RGS3: variants seen among roughly 807,000 people sequenced by gnomAD.
RGS3 encodes the protein regulator of G protein signaling 3.
Under a neutral mutation model 132.6 loss-of-function variants are expected in RGS3, and 80 were observed. That is an observed-to-expected ratio of 0.60 (90% CI 0.50 to 0.73). The LOEUF is 0.73. Among genes scored for constraint, RGS3 ranks in the 30% least tolerant of loss-of-function variants. The pLI, the probability that RGS3 is intolerant of heterozygous loss-of-function variation, is 0.00. For missense variants in RGS3, 1,382 were observed against 1,530.8 expected (o/e 0.90, Z 1.62); for synonymous variants, 598 against 620.6 (o/e 0.96, Z 0.54).
At chr9:113,516,125 C>CA (rs888098523) in intron 15 of RGS3, among the ~76,000 whole-genome samples, 12 of 152,164 alleles carry the variant, frequency 7.9e-5, no homozygotes, top group African/African-American at 2.7e-4. Context: ...GACTTGGCCC[C>CA]ACGGGCTTCA....
intron 7 of RGS3, among the ~76,000 whole-genome samples, chr9:113,492,309 A>G (rs1318081188): frequency 3.3e-5 from 5 of 152,140 alleles, no homozygotes; most frequent in Non-Finnish European, 5.9e-5. Flanking sequence ...AATGCTCTTC[A>G]TTCTCTCTGG....
chr9:113,548,662 C>T (rs545202152), intron 19 of RGS3, among the ~76,000 whole-genome samples: 1 of 152,302 alleles, frequency 6.6e-6, no homozygotes, highest in African/African-American at 2.4e-5. Flanking sequence ...AGTCCTGGAG[C>T]CATCAGCCCT....
upstream of RGS3, among the ~76,000 whole-genome samples, chr9:113,458,066 T>C (rs763901561): frequency 1.3e-5 from 2 of 152,148 alleles, no homozygotes; most frequent in Non-Finnish European, 2.9e-5. Context: ...TATTAGCAAA[T>C]CAAATCCCAC....
chr9:113,586,951 T>A (rs576344726), intron 20 of RGS3, among the ~76,000 whole-genome samples: 3 of 152,262 alleles, frequency 2.0e-5, no homozygotes, highest in African/African-American at 7.2e-5. Flanking sequence ...TAAATGGTAA[T>A]CATGTTATGT....
intron 1 of RGS3, among the ~76,000 whole-genome samples, chr9:113,454,683 CTTT>C (rs772993021): frequency 6.6e-5 from 8 of 121,244 alleles, no homozygotes; most frequent in East Asian, 2.4e-4. Flanking sequence ...TGCTTTTAAA[CTTT>C]TTTTTTTTTT....
Position 113,453,204 on chromosome 9 carries a change from C to T in RGS3, c.-12-7041C>T, listed in dbSNP as rs557131995. On this transcript the variant is annotated intron_variant, in intron 1 of 25. Coordinates refer to the RGS3 transcript ENST00000374140. ...ACTCATTATATGATTACATAATATA[C>T]TCATTATATGATTACATAATATACT... Among the ~76,000 whole-genome samples, 35 of 111,500 alleles carry T rather than the reference C, an allele frequency of 3.1e-4. No individual in the cohort carries two copies. In the Admixed American group the frequency reaches 3.4e-3, roughly 11 times the overall value. The allele number at this position is 111,500 out of a possible 152,430, so 73.1% of individuals were successfully genotyped here. A position where few individuals can be genotyped will look rare whatever the true frequency, so the allele number is the denominator to read the frequency against.
intron 5 of RGS3, among the ~76,000 whole-genome samples, chr9:113,483,803 A>G (rs1450875147): frequency 6.6e-6 from 1 of 152,086 alleles, no homozygotes; most frequent in East Asian, 1.9e-4. Flanking sequence ...AGCTGCTGGG[A>G]CCTTAGAAGA....
rs571085045 is a variant in RGS3 at position 113,450,400 on chromosome 9, C to A, written c.-13+5473C>A. On this transcript the variant is annotated intron_variant, in intron 1 of 25. Transcript: ENST00000374140. ...TTTGCTTTTTAAAGCATGTGCCAGG[C>A]CCCAGGCTTGGCAGTAGGCAGATAC... 3.3e-5 allele frequency among the ~76,000 whole-genome samples: 5 copies of A among 152,308 alleles called. No individual in the cohort carries two copies. In the East Asian group the frequency reaches 9.6e-4, roughly 29 times the overall value.
chr9:113,525,287 C>G (rs542645091), intron 17 of RGS3, among the ~76,000 whole-genome samples: 1 of 152,112 alleles, frequency 6.6e-6, no homozygotes, highest in East Asian at 1.9e-4. Flanking sequence ...TTCCAGGCAC[C>G]GATAGAGCCC....
chr9:113,589,361 G>C (rs1260333040), intron 20 of RGS3: 1 of 152,266 alleles, frequency 6.6e-6, no homozygotes, highest in Non-Finnish European at 1.5e-5. Context: ...TGGCTCACAG[G>C]CTCTTTTTGG....
intron 19 of RGS3, among the ~76,000 whole-genome samples, chr9:113,559,327 G>A (rs1023515955): frequency 1.3e-5 from 2 of 152,238 alleles, no homozygotes; most frequent in African/African-American, 2.4e-5. Context: ...TTGGACCGGA[G>A]CCAGGAAGGG....
intron 22 of RGS3, 105 bp from the exon 21 acceptor site, chr9:113,594,814 T>A (rs1588308648): frequency 1.8e-6 from 2 of 1,122,446 alleles, no homozygotes; most frequent in East Asian, 4.9e-5. Flanking sequence ...TGGGCTCAGC[T>A]GCAGACTGGG....
chr9:113,519,331 G>C (rs971870544), intron 16 of RGS3, among the ~76,000 whole-genome samples: 10 of 152,082 alleles, frequency 6.6e-5, no homozygotes, highest in African/African-American at 2.4e-4. Context: ...AATTCGTCCA[G>C]AAAACCCTGC....
intron 1 of RGS3, among the ~76,000 whole-genome samples, chr9:113,447,319 G>GTGTATATATATA (rs1301499712): frequency 9.1e-5 from 2 of 21,884 alleles, no homozygotes; most frequent in Admixed American, 2.0e-3. Flanking sequence ...AAATTCTGAT[G>GTGTATATATATA]TATGTATATG....
chr9:113,514,719 C>G lies in RGS3; in HGVS notation c.1674+65C>G, dbSNP rs898590011. The G allele has an allele frequency of 3.3e-6, 5 of 1,529,638 alleles. No homozygotes were observed. The African/African-American group carries it at 6.9e-5, about 21-fold the overall frequency. 94.8% of individuals were successfully genotyped at this position (1,529,638 alleles called of 1,614,324 possible). A position where few individuals can be genotyped will look rare whatever the true frequency, so the allele number is the denominator to read the frequency against. On this transcript the variant is annotated intron_variant, in intron 15 of 24. Coordinates refer to ENST00000350696, the Ensembl canonical transcript of RGS3. The stretch of plus-strand genomic sequence containing the variant: ...ACGGAGAAAGAGGAGGGCCCTTGCC[C>G]CAGGACTCAGGGATGATGACTTATC...
chr9:113,497,350 C>T, exon 9 of RGS3: 1 of 1,613,846 alleles, frequency 6.2e-7, no homozygotes. Flanking sequence ...AGGGGAGCAC[C>T]TGGGCCGGAC....
intron 17 of RGS3, among the ~76,000 whole-genome samples, chr9:113,524,420 G>A (rs2119419032): frequency 6.6e-6 from 1 of 152,330 alleles, no homozygotes; most frequent in South Asian, 2.1e-4. Flanking sequence ...GTTGGTACAT[G>A]AATGGAACCC....
chr9:113,457,533 A>C (rs568733162), upstream of RGS3, among the ~76,000 whole-genome samples: 1 of 152,270 alleles, frequency 6.6e-6, no homozygotes, highest in East Asian at 1.9e-4. Context: ...GTTGAATTGA[A>C]CTTTAATGTG....
At chr9:113,491,281 T>C (rs1830513936) in intron 7 of RGS3, among the ~76,000 whole-genome samples, 1 of 149,840 alleles carries the variant, frequency 6.7e-6, no homozygotes, top group Non-Finnish European at 1.5e-5. Flanking sequence ...TTTTTTTTTC[T>C]TTTTTTTTGA....
Sources: allele counts gnomAD v4.1 joint callset (sites outside exome capture counted in the v4.1 genomes callset), GRCh38; gene constraint gnomAD v4.1.1; transcripts MANE v1.5; gene names NCBI Gene and HGNC (gene_info 2026-07-23, HGNC 2026-07-21).